Variants in CNTN6 observed in about 807,000 individuals in gnomAD.
CNTN6 encodes the protein contactin 6.
In CNTN6, 137 loss-of-function variants were observed where a neutral mutation model predicts 122.8. The ratio of observed to expected loss-of-function variants is 1.12; its 90% CI spans 0.97 to 1.29. CNTN6 has a LOEUF of 1.29. Among genes scored for constraint, CNTN6 ranks in the 50% most tolerant of loss-of-function variants. The pLI, the probability that CNTN6 is intolerant of heterozygous loss-of-function variation, is 0.00. For missense variants in CNTN6, 1,634 were observed against 1,223.4 expected, an observed-to-expected ratio of 1.34 and a Z score of -5.01; for synonymous variants, 570 against 426.0, an observed-to-expected ratio of 1.34 and a Z score of -4.16.
At chr3:1,262,323 C>T (rs2094859002) in intron 4 of CNTN6, among the ~76,000 whole-genome samples, 1 of 152,068 alleles carries the variant, frequency 6.6e-6, no homozygotes, top group African/African-American at 2.4e-5. Context: ...AACAAGGAGA[C>T]TGATCAGCTG....
intron 20 of CNTN6, among the ~76,000 whole-genome samples, chr3:1,395,561 T>C (rs1024365048): frequency 2.7e-5 from 4 of 150,932 alleles, no homozygotes; most frequent in African/African-American, 7.4e-5. Context: ...CCTCTAACTC[T>C]CACTTTCTTG....
intron 2 of CNTN6, among the ~76,000 whole-genome samples, chr3:1,187,811 G>A (rs1027100034): frequency 1.2e-4 from 18 of 152,152 alleles, no homozygotes; most frequent in African/African-American, 4.3e-4. Flanking sequence ...GTGCCTCCTG[G>A]GCACATGGAT....
At chr3:1,188,227 C>T (rs2093655659) in intron 2 of CNTN6, among the ~76,000 whole-genome samples, 1 of 152,194 alleles carries the variant, frequency 6.6e-6, no homozygotes, top group Admixed American at 6.5e-5. Context: ...ATCCCCAGAA[C>T]TGGAGGGGAA....
intron 12 of CNTN6, among the ~76,000 whole-genome samples, chr3:1,365,512 C>T (rs1026079909): frequency 6.6e-6 from 1 of 151,902 alleles, no homozygotes; most frequent in African/African-American, 2.4e-5. Flanking sequence ...ATGAAAGCAA[C>T]ATTTCCGGAC....
At position 1,283,972 on chromosome 3, in the gene CNTN6, C is replaced by G. The variant is rs561427444; in HGVS notation, c.454+5464C>G. ...CAAGATCATGCCTTTGCACTCCAGCCTGGGGGACAAGAGTGAGATTTCATC... is the reference window on the plus strand; with the variant it reads ...CAAGATCATGCCTTTGCACTCCAGCGTGGGGGACAAGAGTGAGATTTCATC... On this transcript the variant is annotated intron_variant, in intron 5 of 22. Transcript: ENST00000446702. Among the ~76,000 whole-genome samples, 170 of 152,318 alleles carry G rather than the reference C, an allele frequency of 1.1e-3. 1 individual carries two copies. Among genetic ancestry groups the G allele is most frequent in the Middle Eastern group, 6.8e-3 (2 of 294 alleles).
chr3:1,350,835 C>T (rs535220526), intron 11 of CNTN6, among the ~76,000 whole-genome samples: 37 of 151,828 alleles, frequency 2.4e-4, no homozygotes, highest in African/African-American at 8.7e-4. Flanking sequence ...GGGGTAGATG[C>T]ACCCAAAAGC....
chr3:1,113,639 G>T (rs2091584202), intron 1 of CNTN6, among the ~76,000 whole-genome samples: 1 of 152,132 alleles, frequency 6.6e-6, no homozygotes, highest in Non-Finnish European at 1.5e-5. Flanking sequence ...CTGGCAATGA[G>T]ACTATTGAAT....
chr3:1,397,912 G>C (rs562889515), intron 20 of CNTN6, among the ~76,000 whole-genome samples: 14 of 152,174 alleles, frequency 9.2e-5, no homozygotes, highest in Admixed American at 8.5e-4. Flanking sequence ...TTTGAATTGA[G>C]TTCACAGTGT....
intron 9 of CNTN6, among the ~76,000 whole-genome samples, chr3:1,326,521 C>T (rs568453256): frequency 5.9e-5 from 9 of 151,776 alleles, no homozygotes; most frequent in Non-Finnish European, 1.3e-4. Context: ...TGAACACTGA[C>T]GACTGTCTTT....
intron 7 of CNTN6, among the ~76,000 whole-genome samples, chr3:1,312,619 A>G (rs1699534846): frequency 1.9e-5 from 2 of 108,070 alleles, no homozygotes; most frequent in South Asian, 4.8e-4. Flanking sequence ...TTATACAAAA[A>G]AAAAAAAAAA....
intron 21 of CNTN6, 47 bp from the exon 22 acceptor site, chr3:1,402,271 T>A (rs1442132831): frequency 1.3e-6 from 2 of 1,525,030 alleles, no homozygotes; most frequent in Non-Finnish European, 1.8e-6. Context: ...GTGTGAACCT[T>A]AGAAAAGCAA....
intron 5 of CNTN6, among the ~76,000 whole-genome samples, chr3:1,288,879 TAG>T (rs1328421644): frequency 6.6e-6 from 1 of 152,180 alleles, no homozygotes; most frequent in Non-Finnish European, 1.5e-5. Flanking sequence ...GAGCAGCAGA[TAG>T]AGTCTTCAAT....
intron 10 of CNTN6, 109 bp from the exon 11 acceptor site, chr3:1,329,676 G>C: frequency 5.8e-6 from 5 of 856,842 alleles, no homozygotes; most frequent in South Asian, 2.7e-5. Flanking sequence ...AACCTGAAAA[G>C]AGGATACAGC....
At chr3:1,100,929 A>G (rs183196437) in intron 1 of CNTN6, among the ~76,000 whole-genome samples, 40 of 152,160 alleles carry the variant, frequency 2.6e-4, no homozygotes, top group Non-Finnish European at 3.8e-4. Flanking sequence ...GATTTCCCTC[A>G]TGGTGGTTCA....
chr3:1,364,913 G>GA (rs201868906), intron 12 of CNTN6, among the ~76,000 whole-genome samples: 5,418 of 151,938 alleles, frequency 0.036, 130 homozygotes, highest in South Asian at 0.054. Flanking sequence ...GACAGAGATT[G>GA]AAAATGGTAA....
At chr3:1,124,064 T>C (rs1451037667) in intron 1 of CNTN6, among the ~76,000 whole-genome samples, 1 of 151,982 alleles carries the variant, frequency 6.6e-6, no homozygotes, top group Non-Finnish European at 1.5e-5. Context: ...ATAATTCTTT[T>C]AATATTCTGT....
intron 4 of CNTN6, among the ~76,000 whole-genome samples, chr3:1,263,188 G>GA (rs34566481): frequency 1.3e-5 from 2 of 151,476 alleles, no homozygotes; most frequent in Admixed American, 6.6e-5. Context: ...CAGAGAAATT[G>GA]AAAAAAAATG....
rs265786 is a variant in CNTN6 at position 1,324,406 on chromosome 3, G to A, written c.947-1409G>A. 3.4e-5 allele frequency among the ~76,000 whole-genome samples: 5 copies of A among 149,040 alleles called. No homozygotes were observed. In the East Asian group the frequency reaches 5.9e-4, roughly 18 times the overall value. ...TACGGTGGCCAGTTCAGCACTGTGCGTTGTAGATGTAACCTGAAGGAGTGT... is the reference window on the plus strand; with the variant it reads ...TACGGTGGCCAGTTCAGCACTGTGCATTGTAGATGTAACCTGAAGGAGTGT... On this transcript the variant is annotated intron_variant, in intron 8 of 22. Coordinates refer to ENST00000446702, the MANE Select transcript of CNTN6 (RefSeq NM_001289080.2).
intron 1 of CNTN6, among the ~76,000 whole-genome samples, chr3:1,127,285 CAACTT>C (rs1023462178): frequency 2.0e-5 from 3 of 151,638 alleles, no homozygotes; most frequent in Admixed American, 1.3e-4. Flanking sequence ...TTTGGAAACT[CAACTT>C]TATATAAATG....
Sources: allele counts gnomAD v4.1 joint callset (sites outside exome capture counted in the v4.1 genomes callset), GRCh38; gene constraint gnomAD v4.1.1; transcripts MANE v1.5; gene names NCBI Gene and HGNC (gene_info 2026-07-23, HGNC 2026-07-21).